The following GRIP1 variants were observed in gnomAD, a reference collection of about 807,000 sequenced individuals.
GRIP1 encodes glutamate receptor-interacting protein 1.
Under a neutral mutation model 129.9 loss-of-function variants are expected in GRIP1, and 45 were observed. The observed-to-expected ratio is 0.35, with a 90% CI of 0.27 to 0.44. The LOEUF is 0.44. GRIP1 is among the 20% of genes least tolerant of loss of function. The pLI is 1.00. For synonymous variants in GRIP1, 530 were observed against 520.8 expected (o/e 1.02, Z -0.24); for missense variants, 1,196 against 1,396.8 (o/e 0.86, Z 2.29).
intron 5 of GRIP1, among the ~76,000 whole-genome samples, chr12:66,520,247 T>C (rs1445658953): frequency 6.6e-6 from 1 of 152,228 alleles, no homozygotes; most frequent in Non-Finnish European, 1.5e-5. Context: ...TAATATTTAC[T>C]CACAGCACTT....
At chr12:66,526,738 A>C (rs1192139993) in intron 5 of GRIP1, among the ~76,000 whole-genome samples, 1 of 152,032 alleles carries the variant, frequency 6.6e-6, no homozygotes, top group African/African-American at 2.4e-5. Context: ...CAGAGTGAAC[A>C]GGCAACCTAC....
intron 1 of GRIP1, among the ~76,000 whole-genome samples, chr12:66,696,860 A>T (rs1168893682): frequency 1.3e-5 from 2 of 151,848 alleles, no homozygotes; most frequent in African/African-American, 4.8e-5. Flanking sequence ...TTTGTGATCC[A>T]AGAGGGATGT....
At chr12:66,762,130 C>T (rs1212597330) in intron 1 of GRIP1, among the ~76,000 whole-genome samples, 1 of 152,160 alleles carries the variant, frequency 6.6e-6, no homozygotes, top group Non-Finnish European at 1.5e-5. Flanking sequence ...CATGGTTTTG[C>T]TCTTCCCATG....
At chr12:66,673,601 T>A (rs1399653529) in intron 1 of GRIP1, among the ~76,000 whole-genome samples, 3 of 152,190 alleles carry the variant, frequency 2.0e-5, no homozygotes, top group Non-Finnish European at 2.9e-5. Flanking sequence ...AAATGCGCCA[T>A]TATGATAATT....
chr12:66,448,579 T>G (rs2058694614), intron 11 of GRIP1, among the ~76,000 whole-genome samples: 1 of 152,158 alleles, frequency 6.6e-6, no homozygotes, highest in South Asian at 2.1e-4. Context: ...CAACTCTTTC[T>G]CTTTAGTTTC....
intron 1 of GRIP1, among the ~76,000 whole-genome samples, chr12:66,622,564 CA>C (rs1223638480): frequency 6.6e-6 from 1 of 151,856 alleles, no homozygotes; most frequent in Non-Finnish European, 1.5e-5. Flanking sequence ...CCATTAAAAC[CA>C]AAAAATATAT....
At chr12:66,915,842 A>G (rs2041112189) in intron 1 of GRIP1, among the ~76,000 whole-genome samples, 1 of 152,234 alleles carries the variant, frequency 6.6e-6, no homozygotes, top group South Asian at 2.1e-4. Context: ...AAGAAAATAT[A>G]GTTCTCCCTT....
intron 1 of GRIP1, among the ~76,000 whole-genome samples, chr12:66,724,272 A>C (rs1445915435): frequency 6.6e-6 from 1 of 152,130 alleles, no homozygotes; most frequent in African/African-American, 2.4e-5. Context: ...CCTCTGAGAT[A>C]CTTTCATGAG....
At chr12:66,504,978 C>G (rs1479263425) in intron 7 of GRIP1, among the ~76,000 whole-genome samples, 1 of 152,082 alleles carries the variant, frequency 6.6e-6, no homozygotes, top group African/African-American at 2.4e-5. Context: ...GTCTCTTTGT[C>G]TTGATTTTGG....
At chr12:66,584,799 C>G (rs985593177) in intron 2 of GRIP1, among the ~76,000 whole-genome samples, 1 of 152,070 alleles carries the variant, frequency 6.6e-6, no homozygotes, top group Non-Finnish European at 1.5e-5. Flanking sequence ...GTAATCCACT[C>G]TCCCAGTCTT....
intron 1 of GRIP1, among the ~76,000 whole-genome samples, chr12:66,614,524 T>C (rs894851973): frequency 6.6e-6 from 1 of 152,088 alleles, no homozygotes; most frequent in African/African-American, 2.4e-5. Flanking sequence ...ACTTACACTG[T>C]TACCACCCTG....
At chr12:66,770,870 TG>T (rs1372670753) in intron 1 of GRIP1, among the ~76,000 whole-genome samples, 1 of 151,954 alleles carries the variant, frequency 6.6e-6, no homozygotes, top group Non-Finnish European at 1.5e-5. Context: ...CCGAGGCAGG[TG>T]GATCATGAGG....
chr12:66,836,307 G>A (rs2039612586), intron 1 of GRIP1, among the ~76,000 whole-genome samples: 1 of 152,242 alleles, frequency 6.6e-6, no homozygotes, highest in East Asian at 1.9e-4. Context: ...TCTCCCTCAA[G>A]AAGATGCCTG....
chr12:67,055,211 A>C (rs192160613), intron 1 of GRIP1, among the ~76,000 whole-genome samples: 20 of 152,320 alleles, frequency 1.3e-4, no homozygotes, highest in Non-Finnish European at 2.5e-4. Flanking sequence ...AAATAACTTC[A>C]TGTTTGTATG....
chr12:66,403,168 T>A (rs2057069164), intron 16 of GRIP1, among the ~76,000 whole-genome samples: 1 of 152,196 alleles, frequency 6.6e-6, no homozygotes, highest in Admixed American at 6.5e-5. Context: ...AGGGTACAAG[T>A]GATTTTTCAT....
In GRIP1 at chr12:66,829,057, G is replaced by A. The variant is rs576393848; in HGVS notation, c.59-232130C>T. 9.2e-5 allele frequency among the ~76,000 whole-genome samples: 14 copies of A among 152,178 alleles called. No individual in the cohort carries two copies. The South Asian group carries it at 1.0e-3, about 11-fold the overall frequency. On this transcript the variant is annotated intron_variant, in intron 1 of 1. Coordinates refer to the GRIP1 transcript ENST00000643019. ...ATTCACTTCTGAATCCCCAGAACCC[G>A]TAAATATTATCTTTTATGGCAAAAG...
At chr12:66,804,975 C>A (rs1406546952), upstream of GRIP1, among the ~76,000 whole-genome samples, 1 of 152,082 alleles carries the variant, frequency 6.6e-6, no homozygotes, top group Non-Finnish European at 1.5e-5. Flanking sequence ...TAATGTATTC[C>A]AATCACTGTT....
intron 1 of GRIP1, among the ~76,000 whole-genome samples, chr12:67,019,199 A>C (rs1177232611): frequency 6.6e-6 from 1 of 152,218 alleles, no homozygotes; most frequent in Non-Finnish European, 1.5e-5. Flanking sequence ...TTTTACCCAC[A>C]GCTGGCACAA....
chr12:66,566,521 C>T (rs1034730820), intron 2 of GRIP1, among the ~76,000 whole-genome samples: 1 of 152,070 alleles, frequency 6.6e-6, no homozygotes, highest in Non-Finnish European at 1.5e-5. Context: ...ATTCAGTTTG[C>T]CAGTATTTTA....
Sources: allele counts gnomAD v4.1 joint callset (sites outside exome capture counted in the v4.1 genomes callset), GRCh38; gene constraint gnomAD v4.1.1; transcripts MANE v1.5; gene names NCBI Gene and HGNC (gene_info 2026-07-23, HGNC 2026-07-21).